LUZP2: variants seen among roughly 807,000 people sequenced by gnomAD.
The protein encoded by LUZP2 is leucine zipper protein 2.
LUZP2 carries 52 observed loss-of-function variants against 51.6 expected under a neutral mutation model. The observed-to-expected ratio is 1.01, with a 90% confidence interval of 0.81 to 1.27. The LOEUF is 1.27. Ranked by LOEUF, LUZP2 falls within the 50% of genes most tolerant of loss-of-function variation. LUZP2 has a pLI of 0.00. For missense variants in LUZP2, 436 were observed against 395.4 expected (o/e 1.10, Z -0.87); for synonymous variants, 154 against 137.3 (o/e 1.12, Z -0.85).
chr11:25,079,869 A>G lies in LUZP2; in HGVS notation c.*1211A>G, dbSNP rs1859418302. 1 of 152,172 alleles carries G rather than the reference A, an allele frequency of 6.6e-6. No individual in the cohort carries two copies. The highest frequency in any genetic ancestry group is 1.5e-5 in the Non-Finnish European group (1 of 68,014). 9.4% of individuals were successfully genotyped at this position (152,172 alleles called of 1,614,324 possible). Reference sequence around the variant, plus strand: ...CAGGATGGATCTGTCAAACCACAATATATACATTTGGATCAGTGTATCCTA... The same window carrying G: ...CAGGATGGATCTGTCAAACCACAATGTATACATTTGGATCAGTGTATCCTA... On this transcript the variant is annotated 3_prime_UTR_variant, in exon 12 of 12. Coordinates refer to ENST00000336930, the MANE Select transcript of LUZP2 (RefSeq NM_001009909.4).
chr11:25,003,176 C>G (rs1322982051), intron 9 of LUZP2, among the ~76,000 whole-genome samples: 1 of 152,170 alleles, frequency 6.6e-6, no homozygotes, highest in African/African-American at 2.4e-5. Context: ...GGCTTCCAAA[C>G]TGGTAGCCAA....
intron 5 of LUZP2, among the ~76,000 whole-genome samples, chr11:24,896,433 G>A (rs896432081): frequency 4.6e-5 from 7 of 152,154 alleles, no homozygotes; most frequent in South Asian, 2.1e-4. Flanking sequence ...CTTAGCACCT[G>A]GGCCAGCAGC....
intron 1 of LUZP2, among the ~76,000 whole-genome samples, chr11:24,578,561 TAAA>T (rs3077989): frequency 3.4e-5 from 5 of 146,434 alleles, no homozygotes; most frequent in Non-Finnish European, 3.0e-5. Context: ...TGGGCTGGAT[TAAA>T]AAAAAAAAAA....
chr11:25,018,852 C>T (rs941236583), intron 9 of LUZP2, among the ~76,000 whole-genome samples: 2 of 152,146 alleles, frequency 1.3e-5, no homozygotes, highest in Admixed American at 1.3e-4. Context: ...AAGTGATCCA[C>T]CTGCCTCAGT....
At chr11:25,014,059 T>TC (rs1351923682) in intron 9 of LUZP2, among the ~76,000 whole-genome samples, 1 of 152,146 alleles carries the variant, frequency 6.6e-6, no homozygotes, top group Non-Finnish European at 1.5e-5. Context: ...TTCATCCATG[T>TC]CCCTACAAAG....
chr11:24,785,029 C>G (rs772450630), intron 5 of LUZP2, among the ~76,000 whole-genome samples: 2 of 151,768 alleles, frequency 1.3e-5, no homozygotes, highest in Non-Finnish European at 2.9e-5. Context: ...AGTGTGAAGC[C>G]CCATTCATAT....
intron 10 of LUZP2, among the ~76,000 whole-genome samples, chr11:25,076,124 T>A (rs1423565739): frequency 6.6e-6 from 1 of 152,152 alleles, no homozygotes; most frequent in African/African-American, 2.4e-5. Context: ...CAGAAGGTGA[T>A]CTTCCCACTT....
chr11:24,891,645 ATCTC>A (rs1852856858), intron 5 of LUZP2: 1 of 736,384 alleles, frequency 1.4e-6, no homozygotes, highest in South Asian at 6.2e-5. Flanking sequence ...TGTCCTATCT[ATCTC>A]GACAGAATTC....
chr11:24,784,104 G>C (rs550945107), intron 5 of LUZP2, among the ~76,000 whole-genome samples: 1 of 151,840 alleles, frequency 6.6e-6, no homozygotes, highest in Non-Finnish European at 1.5e-5. Flanking sequence ...TCAATTTCTT[G>C]TGAATTAACA....
intron 1 of LUZP2, among the ~76,000 whole-genome samples, chr11:24,696,137 G>C (rs918918280): frequency 6.6e-6 from 1 of 152,044 alleles, no homozygotes; most frequent in Non-Finnish European, 1.5e-5. Flanking sequence ...TGGGGACAGT[G>C]GTCTTGGTAT....
intron 5 of LUZP2, among the ~76,000 whole-genome samples, chr11:24,810,181 A>G (rs757750105): frequency 6.6e-6 from 1 of 152,130 alleles, no homozygotes; most frequent in Non-Finnish European, 1.5e-5. Flanking sequence ...AACCTGAGGA[A>G]GTCAAAGAAG....
At chr11:24,720,064 G>A (rs1285159466) in intron 1 of LUZP2, among the ~76,000 whole-genome samples, 1 of 152,136 alleles carries the variant, frequency 6.6e-6, no homozygotes, top group African/African-American at 2.4e-5. Context: ...TAAATATTAT[G>A]TAATTTATTG....
intron 1 of LUZP2, among the ~76,000 whole-genome samples, chr11:24,697,974 C>T (rs960880590): frequency 2.0e-5 from 3 of 152,118 alleles, no homozygotes; most frequent in Non-Finnish European, 2.9e-5. Context: ...AAAGACCGTT[C>T]TGATGTTCCT....
chr11:24,816,230 A>T (rs1156995917), intron 5 of LUZP2, among the ~76,000 whole-genome samples: 1 of 152,008 alleles, frequency 6.6e-6, no homozygotes, highest in East Asian at 1.9e-4. Flanking sequence ...TTCCTCTGTG[A>T]GGCTTTTTTT....
chr11:24,998,790 G>T (rs1856587312), intron 9 of LUZP2, among the ~76,000 whole-genome samples: 1 of 151,998 alleles, frequency 6.6e-6, no homozygotes, highest in African/African-American at 2.4e-5. Context: ...ATAAAATCTT[G>T]ATGATAAAAG....
intron 5 of LUZP2, among the ~76,000 whole-genome samples, chr11:24,856,196 A>C (rs1178452382): frequency 6.6e-6 from 1 of 152,170 alleles, no homozygotes; most frequent in Admixed American, 6.5e-5. Flanking sequence ...TTTGCAAACT[A>C]TACATCTAAC....
At chr11:24,513,410 C>CGT (rs1486360169) in intron 1 of LUZP2, among the ~76,000 whole-genome samples, 4 of 144,434 alleles carry the variant, frequency 2.8e-5, no homozygotes, top group African/African-American at 1.1e-4. Flanking sequence ...TTACAATCAG[C>CGT]ATCAAGAGAA....
intron 5 of LUZP2, 150 bp downstream of exon 5, chr11:24,763,458 A>G: frequency 2.6e-6 from 1 of 379,890 alleles, no homozygotes; most frequent in Non-Finnish European, 4.8e-6. Flanking sequence ...AAGGTGAAGA[A>G]TTTCAAAAAG....
At chr11:24,562,163 G>C (rs1852061282) in intron 1 of LUZP2, among the ~76,000 whole-genome samples, 1 of 151,984 alleles carries the variant, frequency 6.6e-6, no homozygotes, top group African/African-American at 2.4e-5. Flanking sequence ...AACAGAGTAG[G>C]TACCAGAAAA....
Sources: allele counts gnomAD v4.1 joint callset (sites outside exome capture counted in the v4.1 genomes callset), GRCh38; gene constraint gnomAD v4.1.1; transcripts MANE v1.5; gene names NCBI Gene and HGNC (gene_info 2026-07-23, HGNC 2026-07-21).